The following MED12L variants were observed in gnomAD, a reference collection of about 807,000 sequenced individuals.
The protein encoded by MED12L is mediator complex subunit 12L, also known as mediator of RNA polymerase II transcription subunit 12-like protein.
MED12L carries 60 observed loss-of-function variants against 281.3 expected under a neutral mutation model. The observed-to-expected ratio is 0.21, with a 90% CI of 0.17 to 0.26. The LOEUF is 0.26. MED12L is among the 10% of genes least tolerant of loss of function. The probability of loss-of-function intolerance (pLI) is 1.00; values close to 1 mark genes in which losing one functional copy is unlikely to be tolerated. For synonymous variants in MED12L, 974 were observed against 987.2 expected (o/e 0.99, Z 0.25); for missense variants, 2,146 against 2,680.9 (o/e 0.80, Z 4.41).
At chr3:151,158,958 C>T (rs1719643300) in intron 7 of MED12L, among the ~76,000 whole-genome samples, 159 bp downstream of exon 7, 1 of 152,176 alleles carries the variant, frequency 6.6e-6, no homozygotes. Context: ...ATAAAGGCTT[C>T]TAATAAGTTT....
intron 16 of MED12L, among the ~76,000 whole-genome samples, chr3:151,298,902 A>G (rs926487177): frequency 1.3e-5 from 2 of 152,226 alleles, no homozygotes; most frequent in Admixed American, 1.3e-4. Flanking sequence ...TGTATTGGCC[A>G]GTGCAGATAC....
chr3:151,109,778 T>C (rs1576745343), intron 2 of MED12L, among the ~76,000 whole-genome samples: 1 of 152,216 alleles, frequency 6.6e-6, no homozygotes. Flanking sequence ...CCAACAGTTA[T>C]TAAAAGTGCT....
At chr3:151,428,567 C>T (rs931504536) in intron 43 of MED12L, among the ~76,000 whole-genome samples, 12 of 152,124 alleles carry the variant, frequency 7.9e-5, no homozygotes, top group South Asian at 4.1e-4. Context: ...CTGGCAGTAC[C>T]GGATATTACA....
chr3:151,253,235 G>T (rs1737176803), intron 16 of MED12L, among the ~76,000 whole-genome samples: 1 of 152,126 alleles, frequency 6.6e-6, no homozygotes, highest in East Asian at 1.9e-4. Context: ...AACAAATATG[G>T]AGAGTATATT....
intron 42 of MED12L, among the ~76,000 whole-genome samples, chr3:151,414,001 C>G (rs1335104266): frequency 2.6e-5 from 4 of 152,138 alleles, no homozygotes; most frequent in South Asian, 2.1e-4. Context: ...AGGCGCCCAC[C>G]ACCACCCCTG....
chr3:151,436,602 T>TTCATTTACATGC lies in MED12L; in HGVS notation c.*3799_*3810dup. 1.1e-6 allele frequency: 1 copy of TTCATTTACATGC among 897,072 alleles called. No homozygotes were observed. The highest frequency in any genetic ancestry group is 2.4e-5 in the East Asian group (1 of 41,198). The allele number at this position is 897,072 out of a possible 1,614,324, so 55.6% of individuals were successfully genotyped here. A position where few individuals can be genotyped will look rare whatever the true frequency, so the allele number is the denominator to read the frequency against. On this transcript the variant is annotated 3_prime_UTR_variant, in exon 45 of 45. Transcript: ENST00000687756. The stretch of plus-strand genomic sequence containing the variant: ...ATTTAATACTGTAAATGTATTCAAA[T>TTCATTTACATGC]TCATTTACATGCCTATGGCTGCCTT...
chr3:151,328,818 T>C, intron 16 of MED12L: 1 of 1,613,852 alleles, frequency 6.2e-7, no homozygotes, highest in Non-Finnish European at 8.5e-7. Context: ...TTGAGGTAGA[T>C]GATGAAGGTG....
intron 3 of MED12L, among the ~76,000 whole-genome samples, chr3:151,118,119 A>T (rs1713148191): frequency 6.6e-6 from 1 of 151,666 alleles, no homozygotes. Flanking sequence ...GAATGTAAAT[A>T]GAATTGTTTG....
chr3:151,211,732 C>T (rs1356058521), intron 16 of MED12L, among the ~76,000 whole-genome samples: 1 of 152,210 alleles, frequency 6.6e-6, no homozygotes, highest in African/African-American at 2.4e-5. Flanking sequence ...ACTGCAACCT[C>T]TGCCTCTTGG....
intron 39 of MED12L, among the ~76,000 whole-genome samples, chr3:151,404,569 TC>T (rs1469750089): frequency 2.0e-5 from 3 of 152,234 alleles, no homozygotes; most frequent in Admixed American, 2.0e-4. Context: ...CTCAGTAACT[TC>T]CAAACTAGGA....
chr3:151,306,959 T>G (rs1746742250), intron 16 of MED12L, among the ~76,000 whole-genome samples: 1 of 152,210 alleles, frequency 6.6e-6, no homozygotes, highest in South Asian at 2.1e-4. Context: ...CATCTGAAAT[T>G]GTAAGAATTT....
intron 16 of MED12L, among the ~76,000 whole-genome samples, chr3:151,223,044 T>A (rs1005987415): frequency 7.9e-5 from 12 of 152,150 alleles, no homozygotes; most frequent in Non-Finnish European, 1.6e-4. Context: ...GTCATGAGAT[T>A]CTCTTTGGAA....
intron 16 of MED12L, among the ~76,000 whole-genome samples, chr3:151,250,642 A>G (rs1736672418): frequency 6.6e-6 from 1 of 152,192 alleles, no homozygotes; most frequent in Non-Finnish European, 1.5e-5. Flanking sequence ...CGCTCTATGT[A>G]TATACCACAT....
At chr3:151,254,048 ATT>A (rs1303296457) in intron 16 of MED12L, among the ~76,000 whole-genome samples, 1 of 139,064 alleles carries the variant, frequency 7.2e-6, no homozygotes, top group African/African-American at 2.7e-5. Context: ...AAAGTTATGC[ATT>A]TGTGTACTTT....
chr3:151,377,039 A>G lies in MED12L; in HGVS notation c.4177A>G (p.Lys1393Glu). The change falls in exon 30 of 45, where the codon AAG (lysine) becomes GAG (glutamate). Residue 1393 changes from lysine (K) to glutamate (E), a missense_variant. Transcript: ENST00000687756. ...EMNNLLDNIA[K>E]ATIEVFQQSA... Reference sequence around the variant, plus strand: ...GAACAACTTACTGGACAATATTGCAAAGGCAACAATAGAGGTATTCCAGCA... The same window carrying G: ...GAACAACTTACTGGACAATATTGCAGAGGCAACAATAGAGGTATTCCAGCA... 1 of 1,614,088 alleles carries G rather than the reference A, an allele frequency of 6.2e-7. No homozygotes were observed. Among genetic ancestry groups the G allele is most frequent in the Non-Finnish European group, 8.5e-7 (1 of 1,179,960 alleles).
intron 16 of MED12L, among the ~76,000 whole-genome samples, chr3:151,208,192 T>C (rs1013577490): frequency 2.0e-5 from 3 of 152,244 alleles, no homozygotes; most frequent in Admixed American, 2.0e-4. Flanking sequence ...CCAATTTTTT[T>C]ATAGTTGCTT....
chr3:151,389,375 T>C (rs1234173293), intron 37 of MED12L, among the ~76,000 whole-genome samples: 2 of 152,186 alleles, frequency 1.3e-5, no homozygotes, highest in African/African-American at 4.8e-5. Context: ...GAGATTTTGT[T>C]TCTCTTCCAT....
At chr3:151,224,967 A>C (rs1202743717) in intron 16 of MED12L, among the ~76,000 whole-genome samples, 2 of 152,356 alleles carry the variant, frequency 1.3e-5, no homozygotes. Flanking sequence ...TTACTAAAAT[A>C]ACTTACAGCG....
intron 16 of MED12L, chr3:151,328,611 AAGGTC>A: frequency 6.2e-7 from 1 of 1,613,848 alleles, no homozygotes; most frequent in Non-Finnish European, 8.5e-7. Context: ...ATATTTCTCA[AAGGTC>A]TGATGATCTT....
Sources: gnomAD v4.1 joint callset for allele counts (sites outside exome capture counted in the v4.1 genomes callset) on GRCh38, gnomAD v4.1.1 for gene constraint, MANE v1.5 for transcripts, NCBI Gene and HGNC (gene_info 2026-07-23, HGNC 2026-07-21) for gene names.